Variants in ROBO2 observed in about 807,000 individuals in gnomAD.
ROBO2 encodes roundabout homolog 2.
Under a neutral mutation model 160.8 loss-of-function variants are expected in ROBO2, and 53 were observed. That is an observed-to-expected ratio of 0.33 (90% confidence interval 0.26 to 0.41). The LOEUF (loss-of-function observed/expected upper bound fraction) is 0.41, where lower values mean the gene tolerates loss of function less well. Among genes scored for constraint, ROBO2 ranks in the 10% least tolerant of loss-of-function variants. The probability of loss-of-function intolerance (pLI) is 1.00; values close to 1 mark genes in which losing one functional copy is unlikely to be tolerated. For missense variants in ROBO2, 1,577 were observed against 1,722.4 expected, an observed-to-expected ratio of 0.92 and a Z score of 1.49; for synonymous variants, 664 against 611.7, an observed-to-expected ratio of 1.09 and a Z score of -1.26.
chr3:77,525,797 T>A (rs2091089422), intron 6 of ROBO2, among the ~76,000 whole-genome samples: 1 of 150,934 alleles, frequency 6.6e-6, no homozygotes, highest in South Asian at 2.1e-4. Context: ...TTTTTTTTTT[T>A]CTTTTGTCAA....
intron 2 of ROBO2, among the ~76,000 whole-genome samples, chr3:76,653,156 C>T (rs750490975): frequency 3.9e-5 from 6 of 151,930 alleles, no homozygotes; most frequent in Non-Finnish European, 7.4e-5. Context: ...CTTAGGTCAA[C>T]ATTATTGTAG....
intron 2 of ROBO2, among the ~76,000 whole-genome samples, chr3:77,430,024 AT>A (rs2078617640): frequency 6.6e-6 from 1 of 152,154 alleles, no homozygotes; most frequent in Non-Finnish European, 1.5e-5. Flanking sequence ...GTTTCATATA[AT>A]CCTATCCCTA....
At chr3:77,097,941 A>G in intron 1 of ROBO2, 73 bp from the exon 2 acceptor site, 2 of 1,305,488 alleles carry the variant, frequency 1.5e-6, no homozygotes, top group Non-Finnish European at 2.1e-6. Flanking sequence ...TTTCCCCATC[A>G]GGAACCCAAG....
At chr3:76,456,680 A>C (rs2077776012) in intron 2 of ROBO2, among the ~76,000 whole-genome samples, 1 of 152,150 alleles carries the variant, frequency 6.6e-6, no homozygotes, top group African/African-American at 2.4e-5. Context: ...TTTTTACATA[A>C]TCTTGACCAA....
rs190672267 is a variant in ROBO2, at chr3:76,372,908, G to A, written c.109+435306G>A. Among the ~76,000 whole-genome samples the A allele has an allele frequency of 1.7e-3, 256 of 151,950 alleles. 1 individual carries two copies. The highest frequency in any genetic ancestry group is 6.0e-3 in the African/African-American group (247 of 41,474). On this transcript the variant is annotated intron_variant, in intron 2 of 26. Coordinates refer to the ROBO2 transcript ENST00000487694. ...AGATCAAACACTTGACCACAAATGG[G>A]GAATATGGAGATCTTCCCTGAAGAA...
intron 2 of ROBO2, among the ~76,000 whole-genome samples, chr3:76,459,162 T>C (rs1477801308): frequency 6.6e-6 from 1 of 152,216 alleles, no homozygotes; most frequent in Non-Finnish European, 1.5e-5. Context: ...TTGGGACTCT[T>C]CTTTTCAGAC....
At chr3:76,448,155 G>A (rs1344361049) in intron 2 of ROBO2, among the ~76,000 whole-genome samples, 1 of 151,928 alleles carries the variant, frequency 6.6e-6, no homozygotes, top group African/African-American at 2.4e-5. Flanking sequence ...TTTCCAAGCT[G>A]AAAAGGTTTT....
chr3:76,272,055 T>C (rs898559239), intron 2 of ROBO2, among the ~76,000 whole-genome samples: 1 of 152,198 alleles, frequency 6.6e-6, no homozygotes, highest in Non-Finnish European at 1.5e-5. Flanking sequence ...CATCTAAATA[T>C]GCTCTATAAA....
chr3:76,593,347 C>A (rs2086539739), intron 2 of ROBO2, among the ~76,000 whole-genome samples: 1 of 151,920 alleles, frequency 6.6e-6, no homozygotes, highest in African/African-American at 2.4e-5. Flanking sequence ...AGAAATATTC[C>A]AAGCATGCCT....
intron 1 of ROBO2, among the ~76,000 whole-genome samples, chr3:75,919,099 C>A (rs1946925634): frequency 6.6e-6 from 1 of 152,130 alleles, no homozygotes; most frequent in Non-Finnish European, 1.5e-5. Context: ...GGAGAGAGGT[C>A]ATCCTTCTCT....
chr3:76,584,968 G>A (rs375812606), intron 2 of ROBO2, among the ~76,000 whole-genome samples: 15 of 152,272 alleles, frequency 9.9e-5, no homozygotes, highest in Admixed American at 3.9e-4. Flanking sequence ...TCATAAGGCC[G>A]TTTTCTCATT....
Position 76,224,996 on chromosome 3 carries a change from A to G in ROBO2, c.109+287394A>G, listed in dbSNP as rs542785501. The stretch of plus-strand genomic sequence containing the variant: ...TATGATAAGCTGTAGACTCCATTCT[A>G]TTTTGTAAACTTTCTCATTTTCTTC... On this transcript the variant is annotated intron_variant, in intron 2 of 26. Transcript: ENST00000487694. 2.6e-5 allele frequency among the ~76,000 whole-genome samples: 4 copies of G among 152,282 alleles called. No individual in the cohort carries two copies. In the East Asian group the frequency reaches 7.7e-4, roughly 29 times the overall value.
intron 2 of ROBO2, among the ~76,000 whole-genome samples, chr3:76,288,957 T>C (rs559581544): frequency 1.3e-5 from 2 of 152,310 alleles, no homozygotes; most frequent in Non-Finnish European, 2.9e-5. Context: ...TATGAACATA[T>C]GCATGCATGT....
chr3:77,539,729 T>C (rs967857029), intron 6 of ROBO2, among the ~76,000 whole-genome samples: 6 of 152,118 alleles, frequency 3.9e-5, no homozygotes, highest in African/African-American at 1.4e-4. Context: ...CAGCACCCCA[T>C]ACCAGTAAAA....
At chr3:75,994,331 G>A (rs1334411388) in intron 2 of ROBO2, among the ~76,000 whole-genome samples, 1 of 152,124 alleles carries the variant, frequency 6.6e-6, no homozygotes, top group Non-Finnish European at 1.5e-5. Context: ...AATTGATATG[G>A]TTTGGCTGTG....
At chr3:76,028,859 A>G (rs545503587) in intron 2 of ROBO2, among the ~76,000 whole-genome samples, 68 of 152,128 alleles carry the variant, frequency 4.5e-4, no homozygotes, top group Middle Eastern at 3.4e-3. Flanking sequence ...GGTTATTTGA[A>G]TGTGTTCTCT....
chr3:76,283,770 G>A (rs1212011906), intron 2 of ROBO2, among the ~76,000 whole-genome samples: 1 of 151,922 alleles, frequency 6.6e-6, no homozygotes, highest in Non-Finnish European at 1.5e-5. Flanking sequence ...CAAGGCCATC[G>A]AGCCCGTGTT....
chr3:76,913,599 A>T (rs1388793867), intron 2 of ROBO2, among the ~76,000 whole-genome samples: 1 of 152,214 alleles, frequency 6.6e-6, no homozygotes, highest in Non-Finnish European at 1.5e-5. Context: ...TTTTTAAGAC[A>T]AATTAACTCT....
intron 2 of ROBO2, among the ~76,000 whole-genome samples, chr3:75,964,819 T>C (rs559840345): frequency 6.6e-6 from 1 of 151,864 alleles, no homozygotes; most frequent in East Asian, 1.9e-4. Flanking sequence ...CATTTATTTA[T>C]ATTGTACACA....
Sources: allele counts gnomAD v4.1 joint callset (sites outside exome capture counted in the v4.1 genomes callset), GRCh38; gene constraint gnomAD v4.1.1; transcripts MANE v1.5; gene names NCBI Gene and HGNC (gene_info 2026-07-23, HGNC 2026-07-21).